Variants in KREMEN1 observed in about 807,000 individuals in gnomAD.
KREMEN1 encodes kringle containing transmembrane protein 1, also known as kremen protein 1.
Under a neutral mutation model 46.5 loss-of-function variants are expected in KREMEN1, and 30 were observed. That is an observed-to-expected ratio of 0.65 (90% CI 0.48 to 0.88). The LOEUF (loss-of-function observed/expected upper bound fraction) is 0.88. Ranked by LOEUF, KREMEN1 falls within the 40% of genes least tolerant of loss-of-function variation. KREMEN1 has a pLI of 0.00. For missense variants in KREMEN1, 533 were observed against 596.9 expected (o/e 0.89, Z 1.11); for synonymous variants, 214 against 230.6 (o/e 0.93, Z 0.65).
intron 3 of KREMEN1, among the ~76,000 whole-genome samples, chr22:29,120,412 G>A (rs936051697): frequency 2.4e-5 from 3 of 123,586 alleles, no homozygotes; most frequent in African/African-American, 6.0e-5. Context: ...GAGAGGTGAT[G>A]AAGGAAACAG....
intron 8 of KREMEN1, among the ~76,000 whole-genome samples, chr22:29,141,506 G>C (rs1290072558): frequency 1.3e-5 from 2 of 152,218 alleles, no homozygotes; most frequent in Admixed American, 6.5e-5. Flanking sequence ...AGGCAGCCGT[G>C]GGGGCTGAAC....
At chr22:29,079,476 T>C (rs935015261) in intron 1 of KREMEN1, among the ~76,000 whole-genome samples, 2 of 152,242 alleles carry the variant, frequency 1.3e-5, no homozygotes, top group African/African-American at 4.8e-5. Context: ...ATTAAACTTT[T>C]ATTGTTCAAT....
intron 5 of KREMEN1, among the ~76,000 whole-genome samples, 194 bp from the exon 6 acceptor site, chr22:29,137,148 T>A (rs67700680): frequency 6.6e-5 from 10 of 152,172 alleles, no homozygotes; most frequent in Middle Eastern, 6.8e-3. Context: ...CTAAGGTCTC[T>A]GGGGGGAAAA....
At chr22:29,139,822 C>T (rs17444498) in intron 7 of KREMEN1, among the ~76,000 whole-genome samples, 21,447 of 152,098 alleles carry the variant, frequency 0.14, 1,818 homozygotes, top group Non-Finnish European at 0.18. Context: ...GCAGGACCCA[C>T]CATAGAAGGT....
intron 4 of KREMEN1, among the ~76,000 whole-genome samples, chr22:29,122,518 T>TA (rs1279668652): frequency 5.3e-5 from 8 of 152,240 alleles, no homozygotes; most frequent in Admixed American, 3.3e-4. Flanking sequence ...TGAATGTTCA[T>TA]AGCAGCATTA....
Position 29,145,344 on chromosome 22 carries a change from CG to C in KREMEN1, c.*3236del. 1 of 985,466 alleles carries C rather than the reference CG, an allele frequency of 1.0e-6. No homozygotes were observed. Among genetic ancestry groups the C allele is most frequent in the South Asian group, 4.7e-5 (1 of 21,282 alleles). The allele number at this position is 985,466 out of a possible 1,614,324, so 61.0% of individuals were successfully genotyped here. ...TGCAGGAGAGGCAGGGGAGGGGCTTCGGGGACCACTGTGGACAGAGCTCTGA... is the reference window on the plus strand; with the variant it reads ...TGCAGGAGAGGCAGGGGAGGGGCTTCGGGACCACTGTGGACAGAGCTCTGA... On this transcript the variant is annotated 3_prime_UTR_variant, in exon 9 of 9. Coordinates refer to ENST00000400335, the MANE Select transcript of KREMEN1 (RefSeq NM_001039570.3).
At chr22:29,167,165 G>T in exon 10 of KREMEN1, 1 of 1,343,006 alleles carries the variant, frequency 7.4e-7, no homozygotes, top group Non-Finnish European at 1.0e-6. Context: ...AGGGCAGAGG[G>T]GACACCTTCA....
chr22:29,080,990 TGAA>T (rs2037646646), intron 1 of KREMEN1, among the ~76,000 whole-genome samples: 5 of 140,294 alleles, frequency 3.6e-5, no homozygotes, highest in African/African-American at 1.3e-4. Flanking sequence ...TTACCAGCAA[TGAA>T]TTTTTTTTTT....
chr22:29,163,240 C>T (rs1378180973), intron 9 of KREMEN1, among the ~76,000 whole-genome samples: 3 of 152,142 alleles, frequency 2.0e-5, no homozygotes, highest in African/African-American at 7.2e-5. Context: ...CCTGCCATCT[C>T]TTGAAGGAGG....
intron 3 of KREMEN1, among the ~76,000 whole-genome samples, chr22:29,121,077 A>G (rs1389086193): frequency 6.7e-6 from 1 of 149,994 alleles, no homozygotes; most frequent in Admixed American, 6.7e-5. Context: ...CTTCAATACT[A>G]AATCCTATCA....
intron 5 of KREMEN1, among the ~76,000 whole-genome samples, chr22:29,134,743 A>T (rs2038630234): frequency 6.6e-6 from 1 of 152,158 alleles, no homozygotes; most frequent in Non-Finnish European, 1.5e-5. Flanking sequence ...CCCTCAATGC[A>T]CATCAGGCTT....
intron 5 of KREMEN1, among the ~76,000 whole-genome samples, chr22:29,136,717 G>T (rs1474019074): frequency 6.6e-6 from 1 of 152,128 alleles, no homozygotes; most frequent in Non-Finnish European, 1.5e-5. Context: ...CAGGAGTCCA[G>T]AGAAAGCAAA....
chr22:29,123,653 G>A (rs554152672), intron 4 of KREMEN1, among the ~76,000 whole-genome samples: 4 of 152,270 alleles, frequency 2.6e-5, no homozygotes, highest in South Asian at 4.1e-4. Context: ...TTAGCTGGGC[G>A]TGGTAGCACA....
Position 29,125,314 on chromosome 22 carries a change from T to C in KREMEN1, c.529T>C (p.Tyr177His). ...TTGCTTCTGTGGAAACAATCCTGATTACTGGAAGTACGGGGAGGCAGCCAG... is the reference window on the plus strand; with the variant it reads ...TTGCTTCTGTGGAAACAATCCTGATCACTGGAAGTACGGGGAGGCAGCCAG... ...YACFCGNNPD[Y>H]WKYGEAASTE... Residue 177 changes from tyrosine to histidine, a missense_variant, in exon 5 of 9, where the codon TAC becomes CAC. Tyr to His is a moderately conservative substitution (Grantham distance 83). Coordinates refer to ENST00000400335, the MANE Select transcript of KREMEN1 (RefSeq NM_001039570.3). 6.2e-7 allele frequency: 1 copy of C among 1,614,134 alleles called. No homozygotes were observed. Among genetic ancestry groups the C allele is most frequent in the Non-Finnish European group, 8.5e-7 (1 of 1,180,010 alleles).
At chr22:29,167,358 CTAAGAA>C (rs1165538953) in exon 10 of KREMEN1, 1 of 512,810 alleles carries the variant, frequency 2.0e-6, no homozygotes, top group East Asian at 3.4e-5. Context: ...GACCTCGTCT[CTAAGAA>C]TAGAAAGAAA....
chr22:29,144,267 G>A lies in KREMEN1; in HGVS notation c.*2155G>A. 4 of 985,650 alleles carry A rather than the reference G, an allele frequency of 4.1e-6. No homozygotes were observed. Among genetic ancestry groups the A allele is most frequent in the Non-Finnish European group, 4.8e-6 (4 of 830,074 alleles). 61.1% of individuals were successfully genotyped at this position (985,650 alleles called of 1,614,324 possible). On this transcript the variant is annotated 3_prime_UTR_variant, in exon 9 of 9. Transcript: ENST00000400335. Reference sequence around the variant, plus strand: ...ACACCTCTGCACCTGCCGCCCCTGGGAGGAAAGAGGGCCACACAGGAAGTG... The same window carrying A: ...ACACCTCTGCACCTGCCGCCCCTGGAAGGAAAGAGGGCCACACAGGAAGTG...
chr22:29,166,722 T>C (rs1432880611), intron 9 of KREMEN1, among the ~76,000 whole-genome samples: 2 of 152,146 alleles, frequency 1.3e-5, no homozygotes, highest in Non-Finnish European at 2.9e-5. Context: ...AAGGATCACT[T>C]GAGCCCAGGA....
intron 9 of KREMEN1, among the ~76,000 whole-genome samples, chr22:29,156,895 T>C (rs2038967449): frequency 6.6e-6 from 1 of 152,204 alleles, no homozygotes; most frequent in South Asian, 2.1e-4. Flanking sequence ...TCTATTCCAG[T>C]TTTTATAGAT....
chr22:29,138,595 T>C (rs766104745), intron 6 of KREMEN1, 29 bp from the exon 7 acceptor site: 1 of 1,603,716 alleles, frequency 6.2e-7, no homozygotes, highest in South Asian at 1.1e-5. Flanking sequence ...CATAGCCCTG[T>C]CCCCAGTTAA....
Sources: gnomAD v4.1 joint callset for allele counts (sites outside exome capture counted in the v4.1 genomes callset) on GRCh38, gnomAD v4.1.1 for gene constraint, MANE v1.5 for transcripts, NCBI Gene and HGNC (gene_info 2026-07-23, HGNC 2026-07-21) for gene names.